SLC12A2: variants seen among roughly 807,000 people sequenced by gnomAD.
SLC12A2 encodes solute carrier family 12 member 2.
Under a neutral mutation model 136.3 loss-of-function variants are expected in SLC12A2, and 67 were observed. The observed-to-expected ratio is 0.49, with a 90% CI of 0.40 to 0.60. The LOEUF is 0.60. Ranked by LOEUF, SLC12A2 falls within the 20% of genes least tolerant of loss-of-function variation. The pLI is 0.00. For synonymous variants in SLC12A2, 619 were observed against 562.9 expected (o/e 1.10, Z -1.41); for missense variants, 1,322 against 1,534.7 (o/e 0.86, Z 2.32).
At chr5:128,105,148 A>G (rs1257074526) in intron 1 of SLC12A2, among the ~76,000 whole-genome samples, 3 of 152,202 alleles carry the variant, frequency 2.0e-5, no homozygotes, top group Non-Finnish European at 2.9e-5. Flanking sequence ...AGTTCTTTTT[A>G]TCTTTTGGTG....
In SLC12A2 at chr5:128,177,091, T is replaced by C; in HGVS notation, c.2930-14T>C. 6.4e-7 allele frequency: 1 copy of C among 1,554,720 alleles called. No homozygotes were observed. The highest frequency in any genetic ancestry group is 8.7e-7 in the Non-Finnish European group (1 of 1,153,266). ...GCAATTAACATATTTTTGTGTTTTTTAAACATAATCTAGTTGAGGAAGAGG... is the reference window on the plus strand; with the variant it reads ...GCAATTAACATATTTTTGTGTTTTTCAAACATAATCTAGTTGAGGAAGAGG... On this transcript the variant is annotated splice_polypyrimidine_tract_variant and intron_variant, in intron 20 of 26. Coordinates refer to ENST00000262461, the MANE Select transcript of SLC12A2 (RefSeq NM_001046.3).
chr5:128,109,774 G>T (rs1761078393), intron 1 of SLC12A2: 9 of 847,236 alleles, frequency 1.1e-5, no homozygotes, highest in Middle Eastern at 2.2e-4. Context: ...GGTCCTTCAT[G>T]GTAAGATACA....
At chr5:128,180,628 T>C (rs1763678431) in intron 22 of SLC12A2, among the ~76,000 whole-genome samples, 2 of 152,200 alleles carry the variant, frequency 1.3e-5, no homozygotes, top group Admixed American at 1.3e-4. Context: ...TTCTCAATCC[T>C]GTTGTATGTG....
At chr5:128,112,979 G>A (rs747177055) in intron 2 of SLC12A2, 46 bp downstream of exon 2, 2 of 1,485,128 alleles carry the variant, frequency 1.3e-6, no homozygotes. Context: ...ATATCTGTTG[G>A]TTATAAAATC....
Position 128,084,040 on chromosome 5 carries a change from C to A in SLC12A2, c.86C>A (p.Ala29Glu). The change falls in exon 1 of 27, where the codon GCA (alanine) becomes GAA (glutamate). Residue 29 changes from alanine (A) to glutamate (E), a missense_variant. By Grantham distance (107) the Ala-to-Glu change is moderately radical (BLOSUM62 -1). Around this residue, in one of 8 missense-constraint regions of SLC12A2, gnomAD observed 358 missense variants for 299.7 expected, o/e 1.19. Coordinates refer to ENST00000262461, the MANE Select transcript of SLC12A2 (RefSeq NM_001046.3). This position sits in a 1 kb window ranked among gnomAD's most constrained non-coding sequence, Gnocchi z 5.6. ...GETPSAAALAAARVELPGTAV... is the reference protein window; with the variant it reads ...GETPSAAALAEARVELPGTAV... ...ACGCCGTCAGCCGCTGCGCTGGCCG[C>A]AGCCAGGGTGGAACTGCCCGGCACG... 1 of 1,273,234 alleles carries A rather than the reference C, an allele frequency of 7.9e-7. No individual in the cohort carries two copies. Among genetic ancestry groups the A allele is most frequent in the Non-Finnish European group, 9.9e-7 (1 of 1,012,464 alleles). The allele number at this position is 1,273,234 out of a possible 1,614,324, so 78.9% of individuals were successfully genotyped here.
intron 1 of SLC12A2, among the ~76,000 whole-genome samples, chr5:128,095,702 T>C (rs1337616145): frequency 6.6e-6 from 1 of 152,136 alleles, no homozygotes; most frequent in Non-Finnish European, 1.5e-5. Context: ...AAAAAACTCA[T>C]TAGCTATTAT....
intron 4 of SLC12A2, among the ~76,000 whole-genome samples, chr5:128,121,989 T>C (rs1314265033): frequency 6.6e-6 from 1 of 152,194 alleles, no homozygotes; most frequent in Non-Finnish European, 1.5e-5. Flanking sequence ...TCCATGAATT[T>C]AGACTCATTC....
At chr5:128,104,208 GA>G (rs888236885) in intron 1 of SLC12A2, among the ~76,000 whole-genome samples, 1 of 152,086 alleles carries the variant, frequency 6.6e-6, no homozygotes, top group African/African-American at 2.4e-5. Context: ...TTTTTAATTG[GA>G]AAAAATCCTA....
intron 4 of SLC12A2, among the ~76,000 whole-genome samples, chr5:128,115,076 C>T (rs1256562521): frequency 2.0e-5 from 3 of 152,178 alleles, no homozygotes; most frequent in Non-Finnish European, 4.4e-5. Flanking sequence ...GGCAGTATAC[C>T]TTCCCCATGA....
intron 15 of SLC12A2, among the ~76,000 whole-genome samples, chr5:128,154,942 C>G (rs1250722295): frequency 6.6e-6 from 1 of 151,848 alleles, no homozygotes. Flanking sequence ...TAAGAACTTT[C>G]ACCTTTTCAC....
intron 2 of SLC12A2, 145 bp from the exon 3 acceptor site, chr5:128,114,067 A>G: frequency 1.6e-6 from 1 of 622,362 alleles, no homozygotes; most frequent in Non-Finnish European, 2.8e-6. Context: ...ACTGTTAAAG[A>G]AAAGGGTGGG....
intron 7 of SLC12A2, 26 bp from the exon 8 acceptor site, chr5:128,138,571 T>G (rs1762257260): frequency 1.3e-6 from 2 of 1,594,800 alleles, no homozygotes; most frequent in Non-Finnish European, 1.7e-6. Context: ...CTCCATTAAT[T>G]GTCAAGAATA....
chr5:128,177,436 T>A (rs1763572409), intron 21 of SLC12A2: 1 of 253,850 alleles, frequency 3.9e-6, no homozygotes, highest in Admixed American at 5.7e-5. Flanking sequence ...CTGCATGGTT[T>A]AGATGATAAG....
intron 9 of SLC12A2, among the ~76,000 whole-genome samples, chr5:128,139,238 T>C (rs1193009705): frequency 6.6e-6 from 1 of 152,008 alleles, no homozygotes; most frequent in African/African-American, 2.4e-5. Context: ...ATTTCACTCT[T>C]ACAAATTTCT....
chr5:128,112,734 G>T (rs1163430432), intron 1 of SLC12A2, 80 bp from the exon 2 acceptor site: 7 of 1,078,248 alleles, frequency 6.5e-6, no homozygotes, highest in Non-Finnish European at 9.5e-6. Flanking sequence ...ATGGTTAGAT[G>T]TATTTAGTTA....
At chr5:128,149,965 G>A (rs373945859) in intron 12 of SLC12A2, 32 bp from the exon 13 acceptor site, 33 of 1,384,648 alleles carry the variant, frequency 2.4e-5, no homozygotes, top group Middle Eastern at 1.8e-4. Flanking sequence ...TGTCTAATAC[G>A]TCAGTAAATC....
At chr5:128,135,830 T>A (rs780417796) in intron 7 of SLC12A2, 22 bp downstream of exon 7, 3 of 1,262,976 alleles carry the variant, frequency 2.4e-6, no homozygotes, top group East Asian at 2.3e-5. Context: ...AGATTCAATA[T>A]TTTTTAAGGG....
At chr5:128,098,867 A>T (rs1483960403) in intron 1 of SLC12A2, among the ~76,000 whole-genome samples, 1 of 151,978 alleles carries the variant, frequency 6.6e-6, no homozygotes, top group Non-Finnish European at 1.5e-5. Context: ...ACTTTTTCTG[A>T]AGATTTTCAC....
intron 6 of SLC12A2, 83 bp from the exon 7 acceptor site, chr5:128,135,617 C>T (rs777591827): frequency 1.4e-5 from 13 of 919,036 alleles, no homozygotes; most frequent in South Asian, 1.3e-4. Flanking sequence ...TTCTTTCCCT[C>T]ATGGAAGTTA....
Sources: gnomAD v4.1 joint callset for allele counts (sites outside exome capture counted in the v4.1 genomes callset) on GRCh38, gnomAD v4.1.1 for gene constraint, gnomAD v4.1.1 regional missense constraint, Gnocchi (gnomAD v3.1) non-coding constraint, MANE v1.5 for transcripts, NCBI Gene and HGNC (gene_info 2026-07-23, HGNC 2026-07-21) for gene names.